The following PTPRG variants were observed in gnomAD, a reference collection of about 807,000 sequenced individuals.
The protein encoded by PTPRG is protein tyrosine phosphatase receptor type G, also known as receptor-type tyrosine-protein phosphatase gamma.
Under a neutral mutation model 165.3 loss-of-function variants are expected in PTPRG, and 102 were observed. That is an observed-to-expected ratio of 0.62 (90% CI 0.53 to 0.73). The LOEUF is 0.73. Among genes scored for constraint, PTPRG ranks in the 30% least tolerant of loss-of-function variants. PTPRG has a pLI of 0.00. For synonymous variants in PTPRG, 675 were observed against 669.5 expected (o/e 1.01, Z -0.13); for missense variants, 1,866 against 1,861.4 (o/e 1.00, Z -0.05).
chr3:61,641,227 C>A (rs4688647), intron 1 of PTPRG, among the ~76,000 whole-genome samples: 2 of 152,114 alleles, frequency 1.3e-5, no homozygotes, highest in East Asian at 1.9e-4. Context: ...TTTCCTCCCC[C>A]TCCCTCCCTG....
intron 7 of PTPRG, among the ~76,000 whole-genome samples, chr3:62,167,111 G>A (rs1705019460): frequency 1.3e-5 from 2 of 152,108 alleles, no homozygotes; most frequent in Non-Finnish European, 2.9e-5. Flanking sequence ...AATGATGATA[G>A]CTAACCTTAA....
chr3:61,990,992 T>G (rs116312430), intron 3 of PTPRG, among the ~76,000 whole-genome samples: 1 of 152,076 alleles, frequency 6.6e-6, no homozygotes, highest in African/African-American at 2.4e-5. Flanking sequence ...TTTGAGATTA[T>G]TCATAGCTGA....
At chr3:62,126,390 T>C (rs1703292338) in intron 5 of PTPRG, among the ~76,000 whole-genome samples, 1 of 152,228 alleles carries the variant, frequency 6.6e-6, no homozygotes, top group Non-Finnish European at 1.5e-5. Context: ...ATATTATGAA[T>C]TAACAGTAAG....
intron 4 of PTPRG, among the ~76,000 whole-genome samples, chr3:62,049,061 T>C (rs1407726956): frequency 6.6e-6 from 1 of 151,932 alleles, no homozygotes; most frequent in Non-Finnish European, 1.5e-5. Context: ...ACTTTGAAGT[T>C]GATAACCTTG....
chr3:61,975,781 A>G (rs1042964282), intron 2 of PTPRG, among the ~76,000 whole-genome samples: 4 of 152,166 alleles, frequency 2.6e-5, no homozygotes, highest in African/African-American at 7.2e-5. Context: ...CCCTAAAATT[A>G]TAATAATTCC....
chr3:61,662,051 G>GT (rs1702683199), intron 1 of PTPRG, among the ~76,000 whole-genome samples: 1 of 152,112 alleles, frequency 6.6e-6, no homozygotes, highest in Admixed American at 6.5e-5. Flanking sequence ...CACCTTCTAG[G>GT]TTCTAGGTTT....
At chr3:62,173,630 C>T (rs950935412) in intron 8 of PTPRG, among the ~76,000 whole-genome samples, 1 of 152,188 alleles carries the variant, frequency 6.6e-6, no homozygotes, top group Non-Finnish European at 1.5e-5. Context: ...CTAGGACCAA[C>T]CAGAGATTCA....
intron 1 of PTPRG, among the ~76,000 whole-genome samples, chr3:61,653,571 C>G (rs1327982572): frequency 6.6e-6 from 1 of 152,096 alleles, no homozygotes; most frequent in Non-Finnish European, 1.5e-5. Flanking sequence ...GAACAGTGAA[C>G]AAGGCTGATC....
chr3:61,625,243 G>A lies in PTPRG; in HGVS notation c.85+62871G>A, dbSNP rs1300541925. ...CCTTTTTTAAGGGGGGATATGATTC[G>A]ACCCATCACAGTACATACGTAACAT... is the stretch of plus-strand genomic sequence containing the variant. On this transcript the variant is annotated intron_variant, in intron 1 of 29. Coordinates refer to ENST00000474889, the MANE Select transcript of PTPRG (RefSeq NM_002841.4). 4.7e-5 allele frequency among the ~76,000 whole-genome samples: 7 copies of A among 149,964 alleles called. No individual in the cohort carries two copies. In the Admixed American group the frequency reaches 4.8e-4, roughly 10 times the overall value.
Position 62,066,176 on chromosome 3 carries a change from C to T in PTPRG, c.520-11987C>T, listed in dbSNP as rs529930797. The stretch of plus-strand genomic sequence containing the variant: ...GCTTAGCTTAATTGCAAATTCATGA[C>T]GTCATCATTTCCCCGAAAACATGAC... On this transcript the variant is annotated intron_variant, in intron 4 of 29. Transcript: ENST00000474889. Among the ~76,000 whole-genome samples, 5 of 152,236 alleles carry T rather than the reference C, an allele frequency of 3.3e-5. No homozygotes were observed. The South Asian group carries it at 6.2e-4, about 19-fold the overall frequency.
intron 5 of PTPRG, among the ~76,000 whole-genome samples, chr3:62,130,474 G>T (rs551826124): frequency 2.0e-5 from 3 of 152,318 alleles, no homozygotes; most frequent in South Asian, 2.1e-4. Context: ...ATGTAACAGG[G>T]ATAGAGGGAA....
intron 2 of PTPRG, among the ~76,000 whole-genome samples, chr3:61,855,876 G>T: frequency 6.6e-6 from 1 of 152,046 alleles, no homozygotes; most frequent in East Asian, 1.9e-4. Context: ...TGGAGCAACA[G>T]CCACTAGATG....
chr3:62,218,090 T>C (rs976335261), intron 12 of PTPRG, among the ~76,000 whole-genome samples: 1 of 152,032 alleles, frequency 6.6e-6, no homozygotes, highest in Admixed American at 6.6e-5. Flanking sequence ...AAACAGGATC[T>C]CTGGGGATCT....
At chr3:62,094,439 C>G (rs1702042520) in intron 5 of PTPRG, among the ~76,000 whole-genome samples, 1 of 152,134 alleles carries the variant, frequency 6.6e-6, no homozygotes, top group African/African-American at 2.4e-5. Flanking sequence ...GCAGGTCGCT[C>G]TCTCCTGAAA....
At chr3:62,200,281 A>AT (rs991716959) in intron 10 of PTPRG, among the ~76,000 whole-genome samples, 5 of 151,408 alleles carry the variant, frequency 3.3e-5, no homozygotes, top group Admixed American at 1.3e-4. Context: ...TTATTTATTT[A>AT]TTTTTTTTGA....
chr3:62,269,170 GT>G lies in PTPRG; in HGVS notation c.3009+2del, dbSNP rs771083460. ...AATCAGAAATACAAAAGTGAAAAAG[GT>G]ATGGAAGGAATTGGGTAGGCTGCCA... On this transcript the variant is annotated splice_donor_variant, in intron 20 of 29. Coordinates refer to ENST00000474889, the MANE Select transcript of PTPRG (RefSeq NM_002841.4). LOFTEE classifies it high-confidence loss of function. 1 of 1,572,518 alleles carries G rather than the reference GT, an allele frequency of 6.4e-7. No homozygotes were observed. Among genetic ancestry groups the G allele is most frequent in the African/African-American group, 1.3e-5 (1 of 74,342 alleles).
intron 1 of PTPRG, among the ~76,000 whole-genome samples, chr3:61,628,519 A>G (rs1003152050): frequency 6.6e-6 from 1 of 152,036 alleles, no homozygotes; most frequent in Non-Finnish European, 1.5e-5. Flanking sequence ...TTTTTTGTAG[A>G]GACAGGGTTT....
intron 1 of PTPRG, among the ~76,000 whole-genome samples, chr3:61,629,908 T>TG (rs1253435163): frequency 2.6e-5 from 4 of 152,232 alleles, no homozygotes; most frequent in African/African-American, 4.8e-5. Flanking sequence ...GTCAAGCTGA[T>TG]GGGCTACCAT....
chr3:61,758,874 G>A (rs773846956), intron 2 of PTPRG, among the ~76,000 whole-genome samples: 1 of 152,184 alleles, frequency 6.6e-6, no homozygotes, highest in Non-Finnish European at 1.5e-5. Flanking sequence ...TTGCCAATAT[G>A]TAGTTGGAAT....
Sources: gnomAD v4.1 joint callset for allele counts (sites outside exome capture counted in the v4.1 genomes callset) on GRCh38, gnomAD v4.1.1 for gene constraint, MANE v1.5 for transcripts, NCBI Gene and HGNC (gene_info 2026-07-23, HGNC 2026-07-21) for gene names.